SGMS2: variants seen among roughly 807,000 people sequenced by gnomAD.
SGMS2 encodes phosphatidylcholine:ceramide cholinephosphotransferase 2.
Under a neutral mutation model 43.8 loss-of-function variants are expected in SGMS2, and 21 were observed. The ratio of observed to expected loss-of-function variants is 0.48; its 90% CI spans 0.34 to 0.69. The LOEUF (loss-of-function observed/expected upper bound fraction) is 0.69. Ranked by LOEUF, SGMS2 falls within the 30% of genes least tolerant of loss-of-function variation. SGMS2 has a pLI of 0.01. For missense variants in SGMS2, 384 were observed against 443.2 expected (o/e 0.87, Z 1.20); for synonymous variants, 167 against 160.6 (o/e 1.04, Z -0.30).
chr4:107,907,618 T>A (rs1450360722), intron 5 of SGMS2, among the ~76,000 whole-genome samples: 3 of 152,168 alleles, frequency 2.0e-5, no homozygotes, highest in Admixed American at 6.5e-5. Flanking sequence ...TCTCAAAAAA[T>A]AAATAAATAA....
intron 2 of SGMS2, among the ~76,000 whole-genome samples, chr4:107,891,992 C>T (rs1730256924): frequency 6.6e-6 from 1 of 151,840 alleles, no homozygotes; most frequent in Non-Finnish European, 1.5e-5. Context: ...TCAGGCTGCT[C>T]TTCATTAGAC....
At chr4:107,839,265 T>C (rs186927048) in intron 1 of SGMS2, among the ~76,000 whole-genome samples, 44 of 152,302 alleles carry the variant, frequency 2.9e-4, no homozygotes, top group African/African-American at 1.0e-3. Flanking sequence ...AAGTTTGGGT[T>C]CTATTTGCCT....
intron 2 of SGMS2, chr4:107,863,662 G>A (rs906378612): frequency 6.6e-6 from 1 of 152,138 alleles, no homozygotes; most frequent in African/African-American, 2.4e-5. Context: ...TTGCTTTAGG[G>A]CTTCCAGTGG....
intron 1 of SGMS2, among the ~76,000 whole-genome samples, chr4:107,856,393 G>A (rs1727427798): frequency 6.6e-6 from 1 of 152,110 alleles, no homozygotes; most frequent in African/African-American, 2.4e-5. Context: ...TTTTTGACAA[G>A]GGCACACATT....
At chr4:107,848,227 T>A (rs1337147259) in intron 1 of SGMS2, among the ~76,000 whole-genome samples, 1 of 152,194 alleles carries the variant, frequency 6.6e-6, no homozygotes, top group African/African-American at 2.4e-5. Context: ...TGTTTCTTCA[T>A]GTCTTTGTAG....
intron 3 of SGMS2, among the ~76,000 whole-genome samples, 197 bp downstream of exon 3, chr4:107,896,205 T>G (rs1195842903): frequency 6.6e-6 from 1 of 152,134 alleles, no homozygotes; most frequent in African/African-American, 2.4e-5. Flanking sequence ...TGAGCAACTG[T>G]GTATGAAAGT....
rs1731276645 is a variant in SGMS2 at position 107,903,290 on chromosome 4, G to A, written c.631G>A (p.Gly211Arg). The A allele has an allele frequency of 6.2e-7, 1 of 1,613,880 alleles. No homozygotes were observed. Among genetic ancestry groups the A allele is most frequent in the Admixed American group, 1.7e-5 (1 of 59,990 alleles). The change falls in exon 5 of 7, where the codon GGA (glycine) becomes AGA (arginine). Residue 211 changes from glycine to arginine, a missense_variant. Physicochemically the swap from Gly to Arg is moderately radical, Grantham distance 125. Transcript: ENST00000690982. ...GATTCTACGATTGATTTCTGGTGGT[G>A]GATTGTCCATAACTGGATCACATAT... ...QRILRLISGG[G>R]LSITGSHILC...
chr4:107,899,828 T>G, intron 4 of SGMS2, 136 bp downstream of exon 4: 1 of 515,916 alleles, frequency 1.9e-6, no homozygotes, highest in Non-Finnish European at 3.4e-6. Flanking sequence ...TCTATTTAGA[T>G]TTGAGGGGAA....
chr4:107,852,132 G>C (rs758365882), intron 1 of SGMS2, among the ~76,000 whole-genome samples: 1 of 151,324 alleles, frequency 6.6e-6, no homozygotes, highest in South Asian at 2.1e-4. Flanking sequence ...GCAGTGGCGC[G>C]ATCTCGGCTC....
chr4:107,878,803 G>A (rs1729120344), intron 2 of SGMS2, among the ~76,000 whole-genome samples: 1 of 152,096 alleles, frequency 6.6e-6, no homozygotes, highest in African/African-American at 2.4e-5. Flanking sequence ...AAATTTTCCA[G>A]TCACCAACAG....
intron 5 of SGMS2, 117 bp from the exon 6 acceptor site, chr4:107,908,448 A>G: frequency 9.8e-7 from 1 of 1,025,516 alleles, no homozygotes; most frequent in Non-Finnish European, 1.4e-6. Flanking sequence ...TATCAGTTTT[A>G]TCCTTCTGGT....
At chr4:107,868,696 C>T (rs1728324116) in intron 2 of SGMS2, among the ~76,000 whole-genome samples, 1 of 151,508 alleles carries the variant, frequency 6.6e-6, no homozygotes, top group South Asian at 2.1e-4. Context: ...CCAGCCTGGG[C>T]GACAAAGTGA....
chr4:107,866,774 G>A (rs1728161974), intron 2 of SGMS2: 1 of 152,000 alleles, frequency 6.6e-6, no homozygotes, highest in South Asian at 2.1e-4. Flanking sequence ...TCTTTGGTGA[G>A]GTCACTAACA....
intron 3 of SGMS2, 97 bp from the exon 4 acceptor site, chr4:107,899,478 T>C (rs1730941055): frequency 1.2e-6 from 1 of 841,802 alleles, no homozygotes; most frequent in African/African-American, 1.7e-5. Context: ...CATTCTGTAC[T>C]GATTATTCTT....
At chr4:107,826,523 G>C (rs184229580) in intron 1 of SGMS2, among the ~76,000 whole-genome samples, 3 of 152,192 alleles carry the variant, frequency 2.0e-5, no homozygotes, top group African/African-American at 7.2e-5. Context: ...AAGAAAGGAC[G>C]TGAGGAAGCT....
chr4:107,839,102 G>A (rs182319928), intron 1 of SGMS2, among the ~76,000 whole-genome samples: 28 of 152,218 alleles, frequency 1.8e-4, no homozygotes, highest in Admixed American at 1.4e-3. Flanking sequence ...GAAAACCTGT[G>A]GAAATCCCCT....
Position 107,895,437 on chromosome 4 carries a change from C to CA in SGMS2, c.-114dup. ...ACCTTCTACATTTTGTATTAGGAAA[C>CA]AAAGTCCATTGTAAGAGTCCATGTT... is the stretch of plus-strand genomic sequence containing the variant. On this transcript the variant is annotated 5_prime_UTR_variant, in exon 3 of 7. It removes the in-frame stop codon of an upstream open reading frame in the 5' UTR. Coordinates refer to ENST00000690982, the MANE Select transcript of SGMS2 (RefSeq NM_001375905.1). 3 of 1,065,370 alleles carry CA rather than the reference C, an allele frequency of 2.8e-6. 1 individual carries two copies. In the South Asian group the frequency reaches 4.8e-5, roughly 17 times the overall value. 66.0% of individuals were successfully genotyped at this position (1,065,370 alleles called of 1,614,324 possible). A position where few individuals can be genotyped will look rare whatever the true frequency, so the allele number is the denominator to read the frequency against.
At chr4:107,862,037 CA>C (rs1397439136) in intron 2 of SGMS2, among the ~76,000 whole-genome samples, 1 of 152,128 alleles carries the variant, frequency 6.6e-6, no homozygotes, top group African/African-American at 2.4e-5. Context: ...ACAAGAAGAG[CA>C]AAAACGAAAG....
chr4:107,907,944 G>T (rs1026806175), intron 5 of SGMS2: 3 of 152,182 alleles, frequency 2.0e-5, no homozygotes, highest in African/African-American at 7.2e-5. Flanking sequence ...TACCAGGAAG[G>T]CTGAGTCCAT....
Sources: gnomAD v4.1 joint callset for allele counts (sites outside exome capture counted in the v4.1 genomes callset) on GRCh38, gnomAD v4.1.1 for gene constraint, MANE v1.5 for transcripts, NCBI Gene and HGNC (gene_info 2026-07-23, HGNC 2026-07-21) for gene names.